Variants in DEPTOR observed in about 807,000 individuals in gnomAD.
DEPTOR encodes the protein DEP domain containing MTOR interacting protein, also known as DEP domain-containing mTOR-interacting protein.
In DEPTOR, 41 loss-of-function variants were observed where a neutral mutation model predicts 41.6. The ratio of observed to expected loss-of-function variants is 0.98; its 90% CI spans 0.77 to 1.28. DEPTOR has a LOEUF of 1.28. Ranked by LOEUF, DEPTOR falls within the 50% of genes most tolerant of loss-of-function variation. The pLI, the probability that DEPTOR is intolerant of heterozygous loss-of-function variation, is 0.00. For missense variants in DEPTOR, 514 were observed against 527.9 expected (o/e 0.97, Z 0.26); for synonymous variants, 195 against 192.3 (o/e 1.01, Z -0.12).
rs140151653 is a variant in DEPTOR at position 119,885,491 on chromosome 8, A to G, written c.122+11523A>G. On this transcript the variant is annotated intron_variant, in intron 1 of 8. Coordinates refer to ENST00000286234, the MANE Select transcript of DEPTOR (RefSeq NM_022783.4). Reference sequence around the variant, plus strand: ...ATTACATTCTACAAACCAGTCATCAATAAAATAAATTCTAACGGTAGAAAC... The same window carrying G: ...ATTACATTCTACAAACCAGTCATCAGTAAAATAAATTCTAACGGTAGAAAC... Among the ~76,000 whole-genome samples, 425 of 152,356 alleles carry G rather than the reference A, an allele frequency of 2.8e-3. 1 individual carries two copies. Among genetic ancestry groups the G allele is most frequent in the African/African-American group, 8.8e-3 (364 of 41,586 alleles).
At position 119,954,845 on chromosome 8, in the gene DEPTOR, G is replaced by GGTGTGTGTGTGTGT. The variant is rs10649943; in HGVS notation, c.426-10370_426-10357dup. 2.1e-3 allele frequency among the ~76,000 whole-genome samples: 308 copies of GGTGTGTGTGTGTGT among 148,050 alleles called. 2 individuals carry two copies. Among genetic ancestry groups the GGTGTGTGTGTGTGT allele is most frequent in the African/African-American group, 7.3e-3 (294 of 40,424 alleles). On this transcript the variant is annotated intron_variant, in intron 3 of 8. Coordinates refer to ENST00000286234, the MANE Select transcript of DEPTOR (RefSeq NM_022783.4). Reference sequence around the variant, plus strand: ...TGAGTGCTTGCAGCAGGCAAATATTGGTGTGTGTGTGTGTGTGTGTGTGTG... The same window carrying GGTGTGTGTGTGTGT: ...TGAGTGCTTGCAGCAGGCAAATATTGGTGTGTGTGTGTGTGTGTGTGTGTGTGTGTGTGTGTGTG...
intron 1 of DEPTOR, among the ~76,000 whole-genome samples, chr8:119,892,960 T>G (rs145013679): frequency 2.0e-5 from 3 of 152,256 alleles, no homozygotes; most frequent in African/African-American, 7.2e-5. Context: ...ATTTTGTATT[T>G]TTAGTAGAGA....
chr8:119,972,970 G>T (rs559326509), intron 4 of DEPTOR, among the ~76,000 whole-genome samples: 75 of 151,224 alleles, frequency 5.0e-4, no homozygotes, highest in African/African-American at 1.7e-3. Context: ...ACGGAGTTTC[G>T]CTCTTGTTGC....
rs917933367 is a variant in DEPTOR at position 119,965,306 on chromosome 8, C to T, written c.500C>T (p.Ala167Val). Reference sequence around the variant, plus strand: ...GTCAAGTATGAGCGCACCTTCATGGCATCTGAATTCCTGGACTGGCTGGTT... The same window carrying T: ...GTCAAGTATGAGCGCACCTTCATGGTATCTGAATTCCTGGACTGGCTGGTT... The part of the protein sequence containing the change: ...EGVKYERTFM[A>V]SEFLDWLVQE... Residue 167 changes from alanine (A) to valine (V), a missense_variant, in exon 4 of 9, where the codon GCA becomes GTA. Transcript: ENST00000286234. 2 of 1,613,932 alleles carry T rather than the reference C, an allele frequency of 1.2e-6. No homozygotes were observed. Among genetic ancestry groups the T allele is most frequent in the Non-Finnish European group, 8.5e-7 (1 of 1,180,034 alleles).
At chr8:119,887,106 T>TCCCCCCCCTC (rs1827374711) in intron 1 of DEPTOR, among the ~76,000 whole-genome samples, 1 of 20,866 alleles carries the variant, frequency 4.8e-5, no homozygotes. Context: ...CCCTTCCCCT[T>TCCCCCCCCTC]CCCCTCCCCT....
chr8:120,034,403 T>A (rs1452582572), intron 8 of DEPTOR, among the ~76,000 whole-genome samples: 1 of 150,922 alleles, frequency 6.6e-6, no homozygotes, highest in Non-Finnish European at 1.5e-5. Flanking sequence ...CACCAACACA[T>A]CCTAAATCAG....
At chr8:119,881,491 T>G (rs1827295802) in intron 1 of DEPTOR, among the ~76,000 whole-genome samples, 1 of 149,678 alleles carries the variant, frequency 6.7e-6, no homozygotes, top group South Asian at 2.1e-4. Flanking sequence ...ACCACTGAAC[T>G]CCAGCCTGGG....
At chr8:119,906,829 G>A (rs1442573883) in intron 1 of DEPTOR, among the ~76,000 whole-genome samples, 4 of 152,202 alleles carry the variant, frequency 2.6e-5, no homozygotes, top group Non-Finnish European at 5.9e-5. Flanking sequence ...TTATCTTAGG[G>A]TAGTCAAGAC....
At chr8:119,925,114 G>T (rs143340738) in intron 1 of DEPTOR, among the ~76,000 whole-genome samples, 1 of 152,218 alleles carries the variant, frequency 6.6e-6, no homozygotes, top group Non-Finnish European at 1.5e-5. Flanking sequence ...TCAAGGCTGA[G>T]TGTGGTGGCT....
At chr8:120,023,187 T>C (rs1812747101) in intron 8 of DEPTOR, among the ~76,000 whole-genome samples, 1 of 152,210 alleles carries the variant, frequency 6.6e-6, no homozygotes, top group Non-Finnish European at 1.5e-5. Context: ...CCACTAATCC[T>C]ATAGGGTCCC....
chr8:120,038,238 C>T (rs1263296395), intron 8 of DEPTOR, among the ~76,000 whole-genome samples: 1 of 143,524 alleles, frequency 7.0e-6, no homozygotes, highest in Non-Finnish European at 1.5e-5. Flanking sequence ...CACTGCACTC[C>T]AGCCTGGGTG....
chr8:120,047,967 G>A (rs988788209), intron 8 of DEPTOR, among the ~76,000 whole-genome samples: 3 of 151,808 alleles, frequency 2.0e-5, no homozygotes, highest in Non-Finnish European at 2.9e-5. Context: ...GATCGCTTGA[G>A]CCTGGGAGAT....
chr8:120,032,957 G>A (rs1265671199), intron 8 of DEPTOR, among the ~76,000 whole-genome samples: 2 of 152,140 alleles, frequency 1.3e-5, no homozygotes, highest in African/African-American at 4.8e-5. Context: ...GCAAGTGTGA[G>A]CCAGGAATGG....
chr8:120,013,445 T>C (rs116292297), intron 8 of DEPTOR, among the ~76,000 whole-genome samples: 1,902 of 152,350 alleles, frequency 0.012, 35 homozygotes, highest in African/African-American at 0.044. Context: ...AAGCCATTTG[T>C]ATAATCTATT....
chr8:119,932,919 G>A (rs902376502), intron 3 of DEPTOR, among the ~76,000 whole-genome samples: 1 of 152,152 alleles, frequency 6.6e-6, no homozygotes, highest in East Asian at 1.9e-4. Flanking sequence ...GAATGTGCTG[G>A]ACATATTTAA....
chr8:119,899,349 T>C (rs1423741478), intron 1 of DEPTOR, among the ~76,000 whole-genome samples: 1 of 152,236 alleles, frequency 6.6e-6, no homozygotes, highest in Non-Finnish European at 1.5e-5. Flanking sequence ...AGGAGCTGAA[T>C]GAAGGCTGAA....
intron 1 of DEPTOR, among the ~76,000 whole-genome samples, chr8:119,878,628 A>G (rs1325724846): frequency 2.6e-5 from 4 of 151,860 alleles, no homozygotes; most frequent in Non-Finnish European, 5.9e-5. Flanking sequence ...TGCCCGGCCA[A>G]TCCTCACACT....
intron 4 of DEPTOR, among the ~76,000 whole-genome samples, chr8:119,994,589 A>G (rs7836436): frequency 0.15 from 23,082 of 152,128 alleles, 2,759 homozygotes; most frequent in African/African-American, 0.33. Flanking sequence ...AGGTAAAAGG[A>G]TAACAAACTG....
rs1813120964 is a variant in DEPTOR at position 120,044,155 on chromosome 8, T to TA, written c.1102-5421_1102-5420insA. ...CAGATCCAGAGAACCAAGCTTTTTA[T>TA]TTTTATTTATTTATTTATTTTTTTG... is the stretch of plus-strand genomic sequence containing the variant. On this transcript the variant is annotated intron_variant, in intron 8 of 8. Coordinates refer to ENST00000286234, the MANE Select transcript of DEPTOR (RefSeq NM_022783.4). Among the ~76,000 whole-genome samples, 6 of 151,834 alleles carry TA rather than the reference T, an allele frequency of 4.0e-5. No individual in the cohort carries two copies. In the South Asian group the frequency reaches 1.3e-3, roughly 32 times the overall value.
Sources: allele counts gnomAD v4.1 joint callset (sites outside exome capture counted in the v4.1 genomes callset), GRCh38; gene constraint gnomAD v4.1.1; transcripts MANE v1.5; gene names NCBI Gene and HGNC (gene_info 2026-07-23, HGNC 2026-07-21).